Variants in DLGAP2 observed in about 807,000 individuals in gnomAD.
The protein encoded by DLGAP2 is disks large-associated protein 2.
Under a neutral mutation model 100.3 loss-of-function variants are expected in DLGAP2, and 26 were observed. The ratio of observed to expected loss-of-function variants is 0.26; its 90% CI spans 0.19 to 0.36. The LOEUF is 0.36. DLGAP2 is among the 10% of genes least tolerant of loss of function. The pLI, the probability that DLGAP2 is intolerant of heterozygous loss-of-function variation, is 1.00. For synonymous variants in DLGAP2, 886 were observed against 630.1 expected (o/e 1.41, Z -6.08); for missense variants, 1,858 against 1,453.2 (o/e 1.28, Z -4.53).
At chr8:1,450,931 C>G (rs1042524290) in intron 3 of DLGAP2, among the ~76,000 whole-genome samples, 44 of 152,118 alleles carry the variant, frequency 2.9e-4, no homozygotes, top group African/African-American at 1.1e-3. Context: ...TATGTTGCTT[C>G]TCTTTGTATA....
chr8:931,974 C>T (rs1047118574), intron 2 of DLGAP2, among the ~76,000 whole-genome samples: 1 of 152,140 alleles, frequency 6.6e-6, no homozygotes, highest in South Asian at 2.1e-4. Context: ...ATGTTTGCCT[C>T]ATGTACGTTT....
chr8:1,351,877 T>C, intron 3 of DLGAP2, among the ~76,000 whole-genome samples: 1 of 91,494 alleles, frequency 1.1e-5, no homozygotes, highest in Non-Finnish European at 2.3e-5. Flanking sequence ...AGGTCCTGAC[T>C]GTGTTTGGAA....
At chr8:1,559,951 G>A (rs560101573) in intron 5 of DLGAP2, among the ~76,000 whole-genome samples, 1 of 152,216 alleles carries the variant, frequency 6.6e-6, no homozygotes, top group African/African-American at 2.4e-5. Context: ...TCAGCCGACA[G>A]TGACCTTCAA....
At chr8:1,512,581 G>A (rs113417583) in intron 4 of DLGAP2, among the ~76,000 whole-genome samples, 2 of 152,152 alleles carry the variant, frequency 1.3e-5, no homozygotes, top group East Asian at 3.9e-4. Context: ...ACAGCAGCCT[G>A]CCGCAGCAGC....
intron 2 of DLGAP2, among the ~76,000 whole-genome samples, chr8:1,111,187 A>G (rs1262998742): frequency 6.6e-6 from 1 of 152,174 alleles, no homozygotes; most frequent in Non-Finnish European, 1.5e-5. Flanking sequence ...TAAATTAAAT[A>G]CAAAGAAAAC....
intron 2 of DLGAP2, among the ~76,000 whole-genome samples, chr8:1,028,160 A>G (rs1315982999): frequency 0.024 from 611 of 24,980 alleles, no homozygotes; most frequent in Admixed American, 0.04. Flanking sequence ...CAGGTGGGGT[A>G]CCAGGCGCCC....
intron 2 of DLGAP2, among the ~76,000 whole-genome samples, chr8:1,214,862 G>T (rs1798181190): frequency 6.6e-6 from 1 of 152,254 alleles, no homozygotes; most frequent in Non-Finnish European, 1.5e-5. Context: ...TGTTGCTGTT[G>T]TTGTGTTTTC....
At chr8:1,145,213 G>A (rs553148125) in intron 2 of DLGAP2, among the ~76,000 whole-genome samples, 1 of 151,992 alleles carries the variant, frequency 6.6e-6, no homozygotes, top group African/African-American at 2.4e-5. Flanking sequence ...CTTCCCTCCA[G>A]CCACTGTACA....
At chr8:760,553 A>G (rs565224283) in intron 1 of DLGAP2, among the ~76,000 whole-genome samples, 108 of 152,304 alleles carry the variant, frequency 7.1e-4, no homozygotes, top group African/African-American at 2.5e-3. Context: ...TTGCCTAAGA[A>G]TTTTGAGGGC....
At chr8:1,658,718 T>A (rs146324015) in intron 8 of DLGAP2, among the ~76,000 whole-genome samples, 2 of 152,216 alleles carry the variant, frequency 1.3e-5, no homozygotes, top group South Asian at 4.1e-4. Flanking sequence ...ATTGTGTCTA[T>A]TTGATTCTTC....
chr8:809,426 CG>C (rs1400473349), intron 1 of DLGAP2, among the ~76,000 whole-genome samples: 1 of 149,960 alleles, frequency 6.7e-6, no homozygotes, highest in East Asian at 2.0e-4. Flanking sequence ...TCATCAGTAA[CG>C]TGCTTAGGGT....
In DLGAP2 at chr8:1,691,626, G is replaced by A. The variant is rs1192017725; in HGVS notation, c.2796G>A (p.Met932Ile). The stretch of plus-strand genomic sequence containing the variant: ...TTTATTGGCTTTGCCAACAGAATAT[G>A]GTAAGTGAATCCTCAGTGAACCCCT... The part of the protein sequence containing the change: ...QQFYWLCQQN[M>I]DPSAMPRPTS... The change falls in exon 13 of 15, where the codon ATG (methionine) becomes ATA (isoleucine). Residue 932 changes from methionine to isoleucine, a missense_variant and splice_region_variant. By Grantham distance (10) the Met-to-Ile change is conservative. Coordinates refer to ENST00000637795, the MANE Select transcript of DLGAP2 (RefSeq NM_001346810.2). 1.2e-6 allele frequency: 2 copies of A among 1,613,004 alleles called. No individual in the cohort carries two copies. The highest frequency in any genetic ancestry group is 2.2e-5 in the East Asian group (1 of 44,872).
chr8:1,379,529 G>C (rs1011640437), intron 3 of DLGAP2: 1 of 152,266 alleles, frequency 6.6e-6, no homozygotes, highest in African/African-American at 2.4e-5. Flanking sequence ...GCGCCCTGCT[G>C]TGTATACTGA....
At chr8:907,010 G>A (rs951249652) in intron 1 of DLGAP2, among the ~76,000 whole-genome samples, 4 of 152,062 alleles carry the variant, frequency 2.6e-5, no homozygotes, top group African/African-American at 9.7e-5. Flanking sequence ...CATCTCTTGT[G>A]GTTTCATCCA....
At position 1,248,968 on chromosome 8, in the gene DLGAP2, G is replaced by A. The variant is rs75977901; in HGVS notation, c.74-9883G>A. The stretch of plus-strand genomic sequence containing the variant: ...TTCTCAGAGAGGCTGTGAAGGCTGA[G>A]CTCAGCCACAATGTAAGAGCAGGAC... On this transcript the variant is annotated intron_variant, in intron 2 of 14. Coordinates refer to ENST00000637795, the MANE Select transcript of DLGAP2 (RefSeq NM_001346810.2). Among the ~76,000 whole-genome samples the A allele has an allele frequency of 6.4e-3, 980 of 152,276 alleles. 16 individuals carry two copies. The highest frequency in any genetic ancestry group is 0.023 in the African/African-American group (955 of 41,556).
chr8:1,243,882 C>T (rs1010904890), intron 2 of DLGAP2, among the ~76,000 whole-genome samples: 1 of 152,196 alleles, frequency 6.6e-6, no homozygotes, highest in Non-Finnish European at 1.5e-5. Context: ...TGATTAAGTC[C>T]AGTGCCTCAG....
At chr8:987,049 C>T (rs1214046830) in intron 2 of DLGAP2, among the ~76,000 whole-genome samples, 2 of 152,192 alleles carry the variant, frequency 1.3e-5, no homozygotes, top group Non-Finnish European at 2.9e-5. Flanking sequence ...CTGGTGAAAT[C>T]AGGTTCGAAT....
At chr8:900,170 C>A (rs542653801) in intron 1 of DLGAP2, among the ~76,000 whole-genome samples, 3 of 150,746 alleles carry the variant, frequency 2.0e-5, no homozygotes, top group Non-Finnish European at 4.4e-5. Flanking sequence ...GCGTCGCTCC[C>A]GGGCAGACAG....
intron 3 of DLGAP2, among the ~76,000 whole-genome samples, chr8:1,409,781 G>A (rs774456806): frequency 1.6e-4 from 24 of 152,172 alleles, no homozygotes; most frequent in Middle Eastern, 6.3e-3. Flanking sequence ...TTCTTGAGCT[G>A]GGACCTTCAT....
Sources: gnomAD v4.1 joint callset for allele counts (sites outside exome capture counted in the v4.1 genomes callset) on GRCh38, gnomAD v4.1.1 for gene constraint, MANE v1.5 for transcripts, NCBI Gene and HGNC (gene_info 2026-07-23, HGNC 2026-07-21) for gene names.